Variants in EYS observed in about 807,000 individuals in gnomAD.
EYS encodes the protein EGF-like photoreceptor maintenance factor.
EYS carries 250 observed loss-of-function variants against 282.1 expected under a neutral mutation model. That is an observed-to-expected ratio of 0.89 (90% CI 0.80 to 0.98). EYS has a LOEUF of 0.98. Among genes scored for constraint, EYS ranks in the 50% least tolerant of loss-of-function variants. The probability of loss-of-function intolerance (pLI) is 0.00; values close to 1 mark genes in which losing one functional copy is unlikely to be tolerated. For synonymous variants in EYS, 1,355 were observed against 1,282.9 expected (o/e 1.06, Z -1.20); for missense variants, 4,016 against 3,709.0 (o/e 1.08, Z -2.15).
At chr6:64,651,287 T>C (rs1037156607) in intron 22 of EYS, among the ~76,000 whole-genome samples, 14 of 152,214 alleles carry the variant, frequency 9.2e-5, no homozygotes, top group African/African-American at 3.4e-4. Context: ...AGAAATATTA[T>C]AGTCTACAGT....
At chr6:65,214,399 A>G (rs956128841) in intron 12 of EYS, among the ~76,000 whole-genome samples, 2 of 152,198 alleles carry the variant, frequency 1.3e-5, no homozygotes, top group African/African-American at 4.8e-5. Flanking sequence ...TTCCCTTATT[A>G]AAAAGCCTAA....
chr6:64,525,384 G>A (rs1048937603), intron 26 of EYS, among the ~76,000 whole-genome samples: 11 of 151,864 alleles, frequency 7.2e-5, no homozygotes, highest in Admixed American at 2.0e-4. Flanking sequence ...AACATGGATG[G>A]TGCTGGAGGC....
intron 12 of EYS, among the ~76,000 whole-genome samples, chr6:65,217,804 T>C (rs1057025099): frequency 1.3e-5 from 2 of 152,056 alleles, no homozygotes; most frequent in Admixed American, 6.5e-5. Flanking sequence ...TATAGAGTTT[T>C]CTGGGATGTG....
intron 40 of EYS, among the ~76,000 whole-genome samples, chr6:63,774,723 A>G (rs1308876569): frequency 6.6e-6 from 1 of 152,132 alleles, no homozygotes; most frequent in Non-Finnish European, 1.5e-5. Flanking sequence ...TCCAATTTTT[A>G]TTTGTCAATT....
At chr6:64,153,786 C>A (rs1408804013) in intron 31 of EYS, among the ~76,000 whole-genome samples, 2 of 152,194 alleles carry the variant, frequency 1.3e-5, no homozygotes, top group Non-Finnish European at 2.9e-5. Flanking sequence ...AGCAATTTTA[C>A]TTGTAGTTAT....
At chr6:65,490,920 C>T (rs1227775970) in intron 4 of EYS, among the ~76,000 whole-genome samples, 2 of 151,784 alleles carry the variant, frequency 1.3e-5, no homozygotes, top group Non-Finnish European at 2.9e-5. Context: ...ACTATAATAT[C>T]CAAATATTTT....
chr6:65,648,062 C>A (rs2149816729), intron 1 of EYS, among the ~76,000 whole-genome samples: 1 of 152,184 alleles, frequency 6.6e-6, no homozygotes, highest in South Asian at 2.1e-4. Context: ...AAAGGAAACA[C>A]TTTTACACTG....
In EYS at chr6:64,073,754, T is replaced by TTC. The variant is rs552394292; in HGVS notation, c.6572-7264_6572-7263insGA. 1.2e-3 allele frequency among the ~76,000 whole-genome samples: 185 copies of TTC among 151,682 alleles called. 1 individual carries two copies. Among genetic ancestry groups the TTC allele is most frequent in the African/African-American group, 4.4e-3 (184 of 41,438 alleles). ...TGTAGACATCAAGCAATGTGAATCT[T>TTC]TATATATATGTGTGTGTGTGTGCAT... On this transcript the variant is annotated intron_variant, in intron 32 of 42. Coordinates refer to ENST00000503581, the MANE Select transcript of EYS (RefSeq NM_001142800.2).
At chr6:64,047,004 G>A (rs1770650299) in intron 33 of EYS, among the ~76,000 whole-genome samples, 2 of 152,102 alleles carry the variant, frequency 1.3e-5, no homozygotes, top group Non-Finnish European at 2.9e-5. Context: ...CTCATAATAT[G>A]CTGTGCTAAG....
In EYS at chr6:64,406,553, A is replaced by G. The variant is rs540812902; in HGVS notation, c.5928-17713T>C. On this transcript the variant is annotated intron_variant, in intron 28 of 42. Transcript: ENST00000503581. The stretch of plus-strand genomic sequence containing the variant: ...CTACAGAATGGGAGAAAATTTTTGC[A>G]ATCTATCCATCTGACAAAGGGCTAA... 7.2e-5 allele frequency among the ~76,000 whole-genome samples: 11 copies of G among 152,352 alleles called. No individual in the cohort carries two copies. In the South Asian group the frequency reaches 2.3e-3, roughly 32 times the overall value.
rs1031725552 is a variant in EYS at position 65,134,383 on chromosome 6, G to A, written c.2024-76656C>T. 4.6e-5 allele frequency among the ~76,000 whole-genome samples: 7 copies of A among 151,738 alleles called. No individual in the cohort carries two copies. In the East Asian group the frequency reaches 1.4e-3, roughly 29 times the overall value. Reference sequence around the variant, plus strand: ...ATGACAGATTGGATAAAGAAAATGTGGTAAATATATACCATAAAATACCAG... The same window carrying A: ...ATGACAGATTGGATAAAGAAAATGTAGTAAATATATACCATAAAATACCAG... On this transcript the variant is annotated intron_variant, in intron 12 of 42. Coordinates refer to ENST00000503581, the MANE Select transcript of EYS (RefSeq NM_001142800.2).
At chr6:64,505,954 A>G (rs1777195216) in intron 26 of EYS, among the ~76,000 whole-genome samples, 1 of 152,188 alleles carries the variant, frequency 6.6e-6, no homozygotes, top group Admixed American at 6.5e-5. Flanking sequence ...AGCCTACGGC[A>G]GGTTGAAATA....
chr6:65,406,931 TG>T (rs1293381768), intron 5 of EYS, among the ~76,000 whole-genome samples: 5 of 152,142 alleles, frequency 3.3e-5, no homozygotes, highest in Admixed American at 6.6e-5. Flanking sequence ...AAAATATTTT[TG>T]GCTATGCTAT....
At chr6:64,703,410 C>CACACATAT (rs1447947508) in intron 22 of EYS, among the ~76,000 whole-genome samples, 1 of 51,542 alleles carries the variant, frequency 1.9e-5, no homozygotes, top group African/African-American at 7.7e-5. Flanking sequence ...CACACACACA[C>CACACATAT]ATATATATAT....
intron 7 of EYS, among the ~76,000 whole-genome samples, chr6:65,391,215 C>T (rs181216189): frequency 3.3e-5 from 5 of 152,030 alleles, no homozygotes; most frequent in Non-Finnish European, 5.9e-5. Flanking sequence ...TTACAGGATA[C>T]CTCCTGTCCC....
chr6:64,377,904 GC>G (rs1316514401), intron 29 of EYS: 2 of 152,072 alleles, frequency 1.3e-5, no homozygotes, highest in Non-Finnish European at 2.9e-5. Context: ...TTATTGCTGT[GC>G]TTCAATTTCC....
At chr6:65,674,608 G>A (rs973029754) in intron 1 of EYS, among the ~76,000 whole-genome samples, 10 of 151,710 alleles carry the variant, frequency 6.6e-5, no homozygotes, top group African/African-American at 2.2e-4. Context: ...AAATAAAATT[G>A]CCAACCAAGA....
intron 29 of EYS, among the ~76,000 whole-genome samples, chr6:64,332,143 T>C (rs902757229): frequency 1.3e-5 from 2 of 151,990 alleles, no homozygotes; most frequent in African/African-American, 4.8e-5. Context: ...GTTAAAGAAG[T>C]TTTGTCAAGA....
At chr6:64,073,325 T>C (rs1432566000) in intron 32 of EYS, among the ~76,000 whole-genome samples, 1 of 151,802 alleles carries the variant, frequency 6.6e-6, no homozygotes, top group Non-Finnish European at 1.5e-5. Context: ...TACTGATGTG[T>C]TTCCATGATT....
Sources: gnomAD v4.1 joint callset for allele counts (sites outside exome capture counted in the v4.1 genomes callset) on GRCh38, gnomAD v4.1.1 for gene constraint, MANE v1.5 for transcripts, NCBI Gene and HGNC (gene_info 2026-07-23, HGNC 2026-07-21) for gene names.